KIZ: variants seen among roughly 807,000 people sequenced by gnomAD.
The protein encoded by KIZ is kizuna centrosomal protein, also known as centrosomal protein kizuna.
Under a neutral mutation model 79.6 loss-of-function variants are expected in KIZ, and 68 were observed. That is an observed-to-expected ratio of 0.85 (90% CI 0.70 to 1.05). The LOEUF (loss-of-function observed/expected upper bound fraction) is 1.05. KIZ is among the 50% of genes least tolerant of loss of function. KIZ has a pLI of 0.00. For synonymous variants in KIZ, 280 were observed against 281.8 expected, an observed-to-expected ratio of 0.99 and a Z score of 0.06; for missense variants, 797 against 800.4, an observed-to-expected ratio of 1.00 and a Z score of 0.05.
chr20:21,241,813 T>C lies in KIZ; in HGVS notation c.1881-2432T>C, dbSNP rs138178087. On this transcript the variant is annotated intron_variant, in intron 11 of 12. Transcript: ENST00000619189. ...GACGACTAACACACACTCGCATAGA[T>C]GTTCTCATGTGTCTGTGTTTACAGC... Among the ~76,000 whole-genome samples the C allele has an allele frequency of 3.1e-3, 466 of 152,350 alleles. 2 individuals are homozygous for C. The highest frequency in any genetic ancestry group is 0.011 in the African/African-American group (460 of 41,588).
chr20:21,149,212 G>A (rs1254588591), intron 4 of KIZ, among the ~76,000 whole-genome samples: 1 of 152,212 alleles, frequency 6.6e-6, no homozygotes, highest in Non-Finnish European at 1.5e-5. Context: ...TTGCAGCAAT[G>A]CCCTCTAAGG....
At chr20:21,228,483 G>A (rs941033578) in intron 9 of KIZ, among the ~76,000 whole-genome samples, 4 of 152,150 alleles carry the variant, frequency 2.6e-5, no homozygotes, top group African/African-American at 9.6e-5. Context: ...ACCCGTTCTC[G>A]CTCCTTCCCC....
At chr20:21,212,250 CAG>C (rs2036099669) in intron 7 of KIZ, among the ~76,000 whole-genome samples, 1 of 152,108 alleles carries the variant, frequency 6.6e-6, no homozygotes, top group South Asian at 2.1e-4. Context: ...AAAAAAGTAA[CAG>C]AAATCCTGGA....
rs143789074 is a variant in KIZ at position 21,169,832 on chromosome 20, T to G, written c.1352+6673T>G. On this transcript the variant is annotated intron_variant, in intron 6 of 12. Transcript: ENST00000619189. ...AGTGGGAATTACATAACAAGTAGTA[T>G]TATCAGGTTGGCTTTTTTCACTTAG... 1.3e-3 allele frequency among the ~76,000 whole-genome samples: 191 copies of G among 152,334 alleles called. 1 individual carries two copies. Among genetic ancestry groups the G allele is most frequent in the East Asian group, 9.4e-3 (49 of 5,192 alleles).
intron 10 of KIZ, among the ~76,000 whole-genome samples, chr20:21,230,636 A>T (rs2036802856): frequency 6.6e-6 from 1 of 152,214 alleles, no homozygotes. Flanking sequence ...TTGGTGACCA[A>T]TGCACATTAA....
intron 6 of KIZ, among the ~76,000 whole-genome samples, chr20:21,168,605 AAG>A (rs1354770547): frequency 7.2e-5 from 11 of 152,332 alleles, no homozygotes; most frequent in African/African-American, 2.6e-4. Flanking sequence ...ATAGAACCAA[AAG>A]AGAGCCCGCA....
intron 9 of KIZ, among the ~76,000 whole-genome samples, 170 bp from the exon 10 acceptor site, chr20:21,228,841 G>T (rs1434685546): frequency 6.6e-6 from 1 of 152,074 alleles, no homozygotes; most frequent in Non-Finnish European, 1.5e-5. Context: ...TTGAAACCCG[G>T]GTTCAACTAA....
chr20:21,170,328 G>A (rs2034146234), intron 6 of KIZ, among the ~76,000 whole-genome samples: 2 of 151,272 alleles, frequency 1.3e-5, no homozygotes, highest in African/African-American at 4.9e-5. Flanking sequence ...ATTTTTAAAT[G>A]TACAATTAAA....
At chr20:21,238,597 T>C (rs190701397) in intron 11 of KIZ, among the ~76,000 whole-genome samples, 2 of 152,122 alleles carry the variant, frequency 1.3e-5, no homozygotes, top group Non-Finnish European at 2.9e-5. Flanking sequence ...GCCCTGACCT[T>C]GATGAGAGCT....
At chr20:21,158,610 C>A (rs1028871754) in intron 4 of KIZ, 1 of 152,302 alleles carries the variant, frequency 6.6e-6, no homozygotes, top group Admixed American at 6.5e-5. Flanking sequence ...TCACCCTTTA[C>A]GCACATACCT....
At chr20:21,239,611 G>A (rs1600628114) in intron 11 of KIZ, among the ~76,000 whole-genome samples, 1 of 152,258 alleles carries the variant, frequency 6.6e-6, no homozygotes, top group East Asian at 1.9e-4. Flanking sequence ...CCTATTGTCA[G>A]TAATTCTTAC....
intron 6 of KIZ, among the ~76,000 whole-genome samples, chr20:21,186,229 AGCACT>A (rs2034871195): frequency 6.6e-6 from 1 of 152,154 alleles, no homozygotes; most frequent in African/African-American, 2.4e-5. Context: ...AACGTTGAAA[AGCACT>A]GCTTTCCAGG....
chr20:21,209,310 G>GA (rs1262298308), intron 7 of KIZ, among the ~76,000 whole-genome samples: 2 of 151,732 alleles, frequency 1.3e-5, no homozygotes, highest in Non-Finnish European at 1.5e-5. Context: ...ACTTTTTGTG[G>GA]AAAAAAAATG....
chr20:21,140,925 G>A (rs1234687783), intron 3 of KIZ, among the ~76,000 whole-genome samples: 1 of 152,026 alleles, frequency 6.6e-6, no homozygotes, highest in Non-Finnish European at 1.5e-5. Context: ...GGGATCATTT[G>A]AGCCCAGGAG....
At chr20:21,238,352 A>T (rs111898739) in intron 11 of KIZ, among the ~76,000 whole-genome samples, 4,651 of 149,172 alleles carry the variant, frequency 0.031, 106 homozygotes, top group Non-Finnish European at 0.041. Context: ...AGAGAGAGAG[A>T]GTGTGTGTGT....
At chr20:21,238,479 C>T (rs138124106) in intron 11 of KIZ, among the ~76,000 whole-genome samples, 1 of 152,150 alleles carries the variant, frequency 6.6e-6, no homozygotes, top group East Asian at 1.9e-4. Flanking sequence ...GCTCATGCAT[C>T]CCCAGTTTCA....
At chr20:21,182,800 CAAAAAA>C (rs763359536) in intron 6 of KIZ, among the ~76,000 whole-genome samples, 1 of 82,686 alleles carries the variant, frequency 1.2e-5, no homozygotes. Flanking sequence ...GTCCCCCCAC[CAAAAAA>C]AAAAAAAAAA....
chr20:21,126,030 G>A, upstream of KIZ: 1 of 1,359,104 alleles, frequency 7.4e-7, no homozygotes, highest in African/African-American at 1.5e-5. Flanking sequence ...GTGTTTACCC[G>A]CGGTGCATGG....
At chr20:21,145,172 G>T (rs112014908) in intron 3 of KIZ, among the ~76,000 whole-genome samples, 5,107 of 110,272 alleles carry the variant, frequency 0.046, 310 homozygotes, top group African/African-American at 0.15. Flanking sequence ...GATTTTTTTT[G>T]TTTGTTTGGG....
Sources: allele counts gnomAD v4.1 joint callset (sites outside exome capture counted in the v4.1 genomes callset), GRCh38; gene constraint gnomAD v4.1.1; transcripts MANE v1.5; gene names NCBI Gene and HGNC (gene_info 2026-07-23, HGNC 2026-07-21).